ZNF705B: variants seen among roughly 807,000 people sequenced by gnomAD.
ZNF705B encodes zinc finger protein 705B.
A neutral mutation model predicts 10.5 loss-of-function variants in ZNF705B; 1 was observed. The ratio of observed to expected loss-of-function variants is 0.10; its 90% CI spans 0.03 to 0.45. The LOEUF (loss-of-function observed/expected upper bound fraction) is 0.45. ZNF705B is among the 20% of genes least tolerant of loss of function. The probability of loss-of-function intolerance (pLI) is 0.97; values close to 1 mark genes in which losing one functional copy is unlikely to be tolerated. For missense variants in ZNF705B, 14 were observed against 84.0 expected (o/e 0.17, Z 3.26); for synonymous variants, 4 against 25.4 (o/e 0.16, Z 2.53).
rs1188965107 is a variant in ZNF705B, at chr8:7,944,248, T to TA, written c.-71-3096dup. ...ATATATTCGTTCTGGTTTCATACTTTAAAAAAATCTATTCTCTTTTACTCT... is the reference window on the plus strand; with the variant it reads ...ATATATTCGTTCTGGTTTCATACTTTAAAAAAAATCTATTCTCTTTTACTCT... On this transcript the variant is annotated intron_variant, in intron 2 of 6. Transcript: ENST00000400120. Among the ~76,000 whole-genome samples the TA allele has an allele frequency of 2.2e-5, 2 of 88,966 alleles. 1 individual carries two copies. Among genetic ancestry groups the TA allele is most frequent in the Non-Finnish European group, 5.0e-5 (2 of 40,236 alleles). 58.4% of individuals were successfully genotyped at this position (88,966 alleles called of 152,430 possible).
At chr8:7,937,686 T>C (rs567986906) in intron 2 of ZNF705B, among the ~76,000 whole-genome samples, 6 of 114,160 alleles carry the variant, frequency 5.3e-5, no homozygotes, top group Non-Finnish European at 1.2e-4. Flanking sequence ...AGGATAATAA[T>C]CTTATGTCAG....
rs1585004655 is a variant in ZNF705B at position 7,944,807 on chromosome 8, C to A, written c.-71-2544C>A. 5.7e-5 allele frequency among the ~76,000 whole-genome samples: 5 copies of A among 87,918 alleles called. No homozygotes were observed. In the South Asian group the frequency reaches 2.0e-3, roughly 35 times the overall value. The allele number at this position is 87,918 out of a possible 152,430, so 57.7% of individuals were successfully genotyped here. On this transcript the variant is annotated intron_variant, in intron 2 of 6. Coordinates refer to ENST00000400120, the MANE Select transcript of ZNF705B (RefSeq NM_001193630.1). ...CCAAAATGGAGAAACCCCGTCTCGA[C>A]TAAAAATACAAAATTAGCCGAGCAC...
At position 7,928,401 on chromosome 8, in the gene ZNF705B, A is replaced by AT. The variant is rs1319381922; in HGVS notation, c.-221-1883dup. Among the ~76,000 whole-genome samples the AT allele has an allele frequency of 2.5e-5, 3 of 121,018 alleles. No individual in the cohort carries two copies. In the East Asian group the frequency reaches 7.1e-4, roughly 29 times the overall value. 79.4% of individuals were successfully genotyped at this position (121,018 alleles called of 152,430 possible). ...GTATTGATTCTTTCATTCAAGTGTC[A>AT]TTTGTTTAAACAAATACGTGAGTAC... On this transcript the variant is annotated intron_variant, in intron 1 of 6. Coordinates refer to ENST00000400120, the MANE Select transcript of ZNF705B (RefSeq NM_001193630.1).
At chr8:7,930,600 G>GGA (rs1819815711) in intron 2 of ZNF705B, among the ~76,000 whole-genome samples, 164 bp downstream of exon 2, 1 of 94,384 alleles carries the variant, frequency 1.1e-5, no homozygotes, top group African/African-American at 2.9e-5. Context: ...TTACAAATCA[G>GGA]GAGAGAGAAG....
At chr8:7,929,402 A>G (rs1819780942) in intron 1 of ZNF705B, among the ~76,000 whole-genome samples, 1 of 121,696 alleles carries the variant, frequency 8.2e-6, no homozygotes, top group East Asian at 2.3e-4. Flanking sequence ...AGATGCAGAG[A>G]CATGAAATGA....
At chr8:7,928,633 C>T (rs1179366377) in intron 1 of ZNF705B, among the ~76,000 whole-genome samples, 25 of 105,878 alleles carry the variant, frequency 2.4e-4, no homozygotes, top group African/African-American at 5.1e-4. Flanking sequence ...CATAAAAATG[C>T]GTTGCACTAC....
At chr8:7,932,202 A>G (rs1476348845) in intron 2 of ZNF705B, among the ~76,000 whole-genome samples, 5 of 120,964 alleles carry the variant, frequency 4.1e-5, no homozygotes, top group Non-Finnish European at 9.9e-5. Flanking sequence ...GGGAATATGG[A>G]CCACTGGGGC....
At chr8:7,937,203 G>T (rs540715673) in intron 2 of ZNF705B, among the ~76,000 whole-genome samples, 1,362 of 118,428 alleles carry the variant, frequency 0.012, 385 homozygotes, top group South Asian at 0.059. Flanking sequence ...CAGCACTAAG[G>T]CTTGGTATTC....
At chr8:7,930,846 G>GTTTTTTTTTTT (rs5889212) in intron 2 of ZNF705B, among the ~76,000 whole-genome samples, 4 of 72,840 alleles carry the variant, frequency 5.5e-5, no homozygotes, top group Non-Finnish European at 3.9e-5. Context: ...TATTTTTTTT[G>GTTTTTTTTTTT]TTTTTTTTTT....
intron 2 of ZNF705B, among the ~76,000 whole-genome samples, chr8:7,930,916 G>A (rs1211310441): frequency 7.7e-6 from 1 of 129,754 alleles, no homozygotes. Context: ...CAGTGCAGTG[G>A]CACAATTTCA....
rs540154037 is a variant in ZNF705B, at chr8:7,931,700, C to T, written c.-72+1264C>T. Reference sequence around the variant, plus strand: ...TGCCTGCAGGTGTGCAGTGGCCCTGCTCCTGGGGGTCAGGATTGCTGTCAG... The same window carrying T: ...TGCCTGCAGGTGTGCAGTGGCCCTGTTCCTGGGGGTCAGGATTGCTGTCAG... On this transcript the variant is annotated intron_variant, in intron 2 of 6. Coordinates refer to ENST00000400120, the MANE Select transcript of ZNF705B (RefSeq NM_001193630.1). 4.4e-3 allele frequency among the ~76,000 whole-genome samples: 566 copies of T among 130,062 alleles called. 9 individuals are homozygous for T. Among genetic ancestry groups the T allele is most frequent in the African/African-American group, 0.013 (533 of 40,236 alleles). 85.3% of individuals were successfully genotyped at this position (130,062 alleles called of 152,430 possible).
intron 1 of ZNF705B, among the ~76,000 whole-genome samples, chr8:7,929,782 C>A (rs370787489): frequency 1.9e-5 from 2 of 107,040 alleles, no homozygotes; most frequent in East Asian, 2.7e-4. Context: ...CTAAAGGATG[C>A]TTTATTTTAT....
At chr8:7,926,772 C>A (rs1456138372) in intron 1 of ZNF705B, among the ~76,000 whole-genome samples, 1 of 116,750 alleles carries the variant, frequency 8.6e-6, no homozygotes, top group Non-Finnish European at 2.0e-5. Context: ...ACCTTTTATG[C>A]ACGACCCTGT....
chr8:7,935,250 G>A (rs1353963487), intron 2 of ZNF705B, among the ~76,000 whole-genome samples: 1 of 121,670 alleles, frequency 8.2e-6, no homozygotes, highest in East Asian at 2.5e-4. Context: ...CTTTGAGGTT[G>A]CAATTTTTCT....
chr8:7,950,738 T>G lies in ZNF705B; in HGVS notation c.309T>G (p.Ser103Arg), dbSNP rs1363362533. ...TCATCAGAAAAGACACATCCACCAG[T>G]ATGACAATGGTAAGTTTTATAGCTG... is the stretch of plus-strand genomic sequence containing the variant. The part of the protein sequence containing the change: ...HPIIRKDTST[S>R]MTMENSLILE... The change falls in exon 6 of 7, where the codon AGT (serine) becomes AGG (arginine). Residue 103 changes from serine (S) to arginine (R), a missense_variant. Ser to Arg is a moderately radical substitution (Grantham distance 110). Coordinates refer to ENST00000400120, the MANE Select transcript of ZNF705B (RefSeq NM_001193630.1). 2 of 900,522 alleles carry G rather than the reference T, an allele frequency of 2.2e-6. 1 individual carries two copies. The highest frequency in any genetic ancestry group is 7.7e-5 in the East Asian group (2 of 25,930). The allele number at this position is 900,522 out of a possible 1,614,324, so 55.8% of individuals were successfully genotyped here.
At position 7,944,741 on chromosome 8, in the gene ZNF705B, C is replaced by T. The variant is rs1349562022; in HGVS notation, c.-71-2610C>T. 2.2e-5 allele frequency among the ~76,000 whole-genome samples: 2 copies of T among 89,700 alleles called. 1 individual carries two copies. The highest frequency in any genetic ancestry group is 4.9e-5 in the Non-Finnish European group (2 of 41,034). The allele number at this position is 89,700 out of a possible 152,430, so 58.8% of individuals were successfully genotyped here. A position where few individuals can be genotyped will look rare whatever the true frequency, so the allele number is the denominator to read the frequency against. ...ATCCCAACACTTTGAGAGGCGGAGA[C>T]TGGCGGATCACCTGAGGTCAGGAGT... On this transcript the variant is annotated intron_variant, in intron 2 of 6. Coordinates refer to ENST00000400120, the MANE Select transcript of ZNF705B (RefSeq NM_001193630.1).
chr8:7,928,126 C>A lies in ZNF705B; in HGVS notation c.-222+1729C>A, dbSNP rs1163908187. On this transcript the variant is annotated intron_variant, in intron 1 of 6. Transcript: ENST00000400120. ...TAGGTGTCTGGAGAGAGCTCGTTCC[C>A]TTCTCTGTGATGTTATGTGGTGAAA... Among the ~76,000 whole-genome samples, 6 of 116,496 alleles carry A rather than the reference C, an allele frequency of 5.2e-5. No individual in the cohort carries two copies. The East Asian group carries it at 1.2e-3, about 24-fold the overall frequency. The allele number at this position is 116,496 out of a possible 152,430, so 76.4% of individuals were successfully genotyped here.
chr8:7,942,776 C>A (rs1393447904), intron 2 of ZNF705B, among the ~76,000 whole-genome samples: 1 of 26,006 alleles, frequency 3.8e-5, no homozygotes, highest in African/African-American at 6.7e-5. Flanking sequence ...CTTTAGGGAG[C>A]GTTTCCGGCT....
At chr8:7,937,736 A>G (rs1171523337) in intron 2 of ZNF705B, among the ~76,000 whole-genome samples, 4 of 94,000 alleles carry the variant, frequency 4.3e-5, no homozygotes. Flanking sequence ...ATGATTGGAT[A>G]TGGTATCACC....
Sources: allele counts gnomAD v4.1 joint callset (sites outside exome capture counted in the v4.1 genomes callset), GRCh38; gene constraint gnomAD v4.1.1; transcripts MANE v1.5; gene names NCBI Gene and HGNC (gene_info 2026-07-23, HGNC 2026-07-21).